Variants in OPN1SW observed in about 807,000 individuals in gnomAD.
The protein encoded by OPN1SW is short-wave-sensitive opsin 1.
In OPN1SW, 25 loss-of-function variants were observed where a neutral mutation model predicts 31.9. That is an observed-to-expected ratio of 0.78 (90% CI 0.57 to 1.09). OPN1SW has a LOEUF of 1.09. Ranked by LOEUF, OPN1SW falls within the 50% of genes least tolerant of loss-of-function variation. OPN1SW has a pLI of 0.00. For missense variants in OPN1SW, 424 were observed against 448.0 expected (o/e 0.95, Z 0.48); for synonymous variants, 190 against 171.9 (o/e 1.11, Z -0.82).
Position 128,774,630 on chromosome 7 carries a change from G to A in OPN1SW, c.546C>T (p.Gly182=), listed in dbSNP as rs538771581. 7 of 1,614,134 alleles carry A rather than the reference G, an allele frequency of 4.3e-6. No individual in the cohort carries two copies. The highest frequency in any genetic ancestry group is 4.2e-6 in the Non-Finnish European group (5 of 1,180,024). Residue 182 remains glycine, a synonymous_variant, in exon 3 of 5, where the codon GGC becomes GGT. Coordinates refer to ENST00000249389, the MANE Select transcript of OPN1SW (RefSeq NM_001385125.1). ...TGGTGCCCACGGTGTACCAGTCAGG[G>A]CCACAGGAACACTGCAGGCCCTCAG... ...FIPEGLQCSC[G]PDWYTVGTKY...
At position 128,774,602 on chromosome 7, in the gene OPN1SW, A is replaced by G; in HGVS notation, c.574T>C (p.Tyr192His). The G allele has an allele frequency of 5.0e-6, 8 of 1,614,124 alleles. No homozygotes were observed. Among genetic ancestry groups the G allele is most frequent in the Non-Finnish European group, 6.8e-6 (8 of 1,180,020 alleles). ...GPDWYTVGTK[Y>H]RSESYTWFLF... ...AACCACGTATAGGACTCGCTGCGGT[A>G]TTTGGTGCCCACGGTGTACCAGTCA... The change falls in exon 3 of 5, where the codon TAC (tyrosine) becomes CAC (histidine). Residue 192 changes from tyrosine to histidine, a missense_variant. Coordinates refer to ENST00000249389, the MANE Select transcript of OPN1SW (RefSeq NM_001385125.1).
In OPN1SW at chr7:128,775,732, G is replaced by A. The variant is rs146986222; in HGVS notation, c.50C>T (p.Pro17Leu). Reference sequence around the variant, plus strand: ...AATGTGGTACTGAGGCCCATCCCACGGCCCCACTGAAGAGATATTTTTGAA... The same window carrying A: ...AATGTGGTACTGAGGCCCATCCCACAGCCCCACTGAAGAGATATTTTTGAA... The part of the protein sequence containing the change: ...YLFKNISSVG[P>L]WDGPQYHIAP... Residue 17 changes from proline (P) to leucine (L), a missense_variant, in exon 1 of 5, where the codon CCG becomes CTG. Pro to Leu is a moderately conservative substitution (Grantham distance 98). Transcript: ENST00000249389. The A allele has an allele frequency of 9.3e-6, 15 of 1,614,060 alleles. No individual in the cohort carries two copies. In the East Asian group the frequency reaches 1.3e-4, roughly 14 times the overall value.
intron 2 of OPN1SW, 122 bp downstream of exon 2, chr7:128,774,864 G>T: frequency 7.2e-7 from 1 of 1,395,798 alleles, no homozygotes; most frequent in Non-Finnish European, 9.9e-7. Context: ...CTGCCCTTTC[G>T]CCTCATATTG....
intron 2 of OPN1SW, 61 bp downstream of exon 2, chr7:128,774,925 C>G: frequency 6.2e-7 from 1 of 1,605,616 alleles, no homozygotes; most frequent in South Asian, 1.1e-5. Context: ...CCCAAGCTCT[C>G]TTTCCACCCA....
rs1464470555 is a variant in OPN1SW at position 128,775,514 on chromosome 7, CGAAGACAGG to C, written c.259_267del (p.Pro87_Phe89del). ...ACGAAGTATCCGTTACAGCTGGCGA[CGAAGACAGG>C]GAAGACAGAGAAGATGCAGAGGAGG... On this transcript the variant is annotated inframe_deletion, in exon 1 of 5. Transcript: ENST00000249389. 9.9e-6 allele frequency: 16 copies of C among 1,613,846 alleles called. No individual in the cohort carries two copies. Among genetic ancestry groups the C allele is most frequent in the Non-Finnish European group, 1.4e-5 (16 of 1,179,964 alleles).
At chr7:128,775,227 C>G in intron 1 of OPN1SW, 73 bp from the exon 2 acceptor site, 1 of 1,524,812 alleles carries the variant, frequency 6.6e-7, no homozygotes, top group South Asian at 1.1e-5. Flanking sequence ...GCAAACAGAT[C>G]GGGTGGAGCA....
At chr7:128,774,422 C>T in intron 3 of OPN1SW, 76 bp downstream of exon 3, 1 of 1,580,662 alleles carries the variant, frequency 6.3e-7, no homozygotes. Context: ...TTCCAGGCAT[C>T]TTATGTTTCA....
Position 128,773,943 on chromosome 7 carries a change from C to CTT in OPN1SW, c.679-57_679-56dup, listed in dbSNP as rs539944204. ...TCTCTTTTTCCTGGCCCTCTGGATG[C>CTT]TTTTTTTTTTTTTTTTTAATTTTTA... On this transcript the variant is annotated intron_variant, in intron 3 of 4. Coordinates refer to ENST00000249389, the MANE Select transcript of OPN1SW (RefSeq NM_001385125.1). The CTT allele has an allele frequency of 2.0e-3, 2,780 of 1,376,404 alleles. 1 individual carries two copies. The highest frequency in any genetic ancestry group is 0.011 in the East Asian group (452 of 39,558). The allele number at this position is 1,376,404 out of a possible 1,614,324, so 85.3% of individuals were successfully genotyped here. A position where few individuals can be genotyped will look rare whatever the true frequency, so the allele number is the denominator to read the frequency against.
rs767165831 is a variant in OPN1SW at position 128,775,565 on chromosome 7, C to T, written c.217G>A (p.Val73Met). Residue 73 changes from valine to methionine, a missense_variant, in exon 1 of 5, where the codon GTG becomes ATG. Physicochemically the swap from Val to Met is conservative, Grantham distance 21. Coordinates refer to ENST00000249389, the MANE Select transcript of OPN1SW (RefSeq NM_001385125.1). ...RQPLNYILVN[V>M]SFGGFLLCIF... ...CAGAGGAGGAAGCCTCCGAAGGACA[C>T]GTTGACCAGAATGTAGTTGAGGGGC... The T allele has an allele frequency of 8.7e-6, 14 of 1,613,990 alleles. No homozygotes were observed. Among genetic ancestry groups the T allele is most frequent in the East Asian group, 2.2e-5 (1 of 44,888 alleles).
intron 1 of OPN1SW, 135 bp downstream of exon 1, chr7:128,775,304 T>A: frequency 7.7e-7 from 1 of 1,290,432 alleles, no homozygotes; most frequent in East Asian, 2.3e-5. Context: ...TTAGCCAAAC[T>A]TCTAGTCTGG....
At chr7:128,774,094 G>A (rs1286204483) in intron 3 of OPN1SW, among the ~76,000 whole-genome samples, 1 of 152,054 alleles carries the variant, frequency 6.6e-6, no homozygotes, top group Non-Finnish European at 1.5e-5. Flanking sequence ...TCAGCCTCCT[G>A]AGTAGCTGGG....
chr7:128,775,003 G>T lies in OPN1SW; in HGVS notation c.495C>A (p.Pro165=). ...WTIGIGVSIP[P]FFGWSRFIPE... is the part of the protein sequence containing the mutation. The stretch of plus-strand genomic sequence containing the variant: ...ACTCTCACCGGCTCCAGCCAAAGAA[G>T]GGTGGGATGGAGACGCCAATACCAA... The change falls in exon 2 of 5, where the codon CCC becomes CCA. Residue 165 remains proline (P), a synonymous_variant. Transcript: ENST00000249389. 6.2e-7 allele frequency: 1 copy of T among 1,614,168 alleles called. No individual in the cohort carries two copies.
chr7:128,775,266 T>A, intron 1 of OPN1SW, 112 bp from the exon 2 acceptor site: 2 of 1,341,242 alleles, frequency 1.5e-6, no homozygotes, highest in Non-Finnish European at 2.1e-6. Context: ...TGGACTGACA[T>A]TTGGAGTGAA....
At position 128,775,529 on chromosome 7, in the gene OPN1SW, CAG is replaced by C. The variant is rs768624742; in HGVS notation, c.251_252del (p.Ser84CysfsTer10). On this transcript the variant is annotated frameshift_variant, in exon 1 of 5. Transcript: ENST00000249389. LOFTEE classifies it high-confidence loss of function. ...CAGCTGGCGACGAAGACAGGGAAGA[CAG>C]AGAAGATGCAGAGGAGGAAGCCTCC... ...SFGGFLLCIF[S>X]VFPVFVASCN... 1.2e-6 allele frequency: 2 copies of C among 1,614,046 alleles called. No individual in the cohort carries two copies. The highest frequency in any genetic ancestry group is 2.2e-5 in the South Asian group (2 of 91,072).
intron 2 of OPN1SW, 34 bp from the exon 3 acceptor site, chr7:128,774,697 T>C: frequency 6.2e-7 from 1 of 1,613,560 alleles, no homozygotes; most frequent in East Asian, 2.2e-5. Context: ...CACTGGACTC[T>C]CCACAAGAGT....
intron 3 of OPN1SW, 66 bp downstream of exon 3, chr7:128,774,432 A>C: frequency 1.3e-6 from 2 of 1,595,536 alleles, no homozygotes; most frequent in Admixed American, 1.7e-5. Context: ...CTTATGTTTC[A>C]GAGCACTCTT....
In OPN1SW at chr7:128,774,512, T is replaced by C. The variant is rs1801713760; in HGVS notation, c.664A>G (p.Arg222Gly). 5.6e-6 allele frequency: 9 copies of C among 1,613,920 alleles called. No homozygotes were observed. The East Asian group carries it at 1.8e-4, about 32-fold the overall frequency. ...ATGCCACTCACAGCTTTCAGGGCCC[T>C]CAGCAGCTGAGTGTAGGAGAAGCAG... ...LICFSYTQLL[R>G]ALKAVAAQQQ... The change falls in exon 3 of 5, where the codon AGG becomes GGG. Residue 222 changes from arginine (R) to glycine (G), a missense_variant. Transcript: ENST00000249389.
At chr7:128,773,229 A>T (rs968015469) in intron 4 of OPN1SW, among the ~76,000 whole-genome samples, 1 of 152,236 alleles carries the variant, frequency 6.6e-6, no homozygotes, top group Non-Finnish European at 1.5e-5. Context: ...ATGATTAAGA[A>T]ATTATTAAAT....
rs560414643 is a variant in OPN1SW, at chr7:128,773,594, G to A, written c.918+55C>T. The A allele has an allele frequency of 2.4e-4, 392 of 1,612,392 alleles. 8 individuals carry two copies. The South Asian group carries it at 3.3e-3, about 13-fold the overall frequency. ...GGGTGCTCTGAGTTAAAAGTCAATG[G>A]TGAGAAAAGAACCAGGGTCTTCTGG... On this transcript the variant is annotated intron_variant, in intron 4 of 4. Transcript: ENST00000249389.
Sources: gnomAD v4.1 joint callset for allele counts (sites outside exome capture counted in the v4.1 genomes callset) on GRCh38, gnomAD v4.1.1 for gene constraint, MANE v1.5 for transcripts, NCBI Gene and HGNC (gene_info 2026-07-23, HGNC 2026-07-21) for gene names.